Variants in SNX4 observed in about 807,000 individuals in gnomAD.
The protein encoded by SNX4 is sorting nexin-4.
A neutral mutation model predicts 70.8 loss-of-function variants in SNX4; 49 were observed. That is an observed-to-expected ratio of 0.69 (90% CI 0.55 to 0.88). SNX4 has a LOEUF of 0.88. Ranked by LOEUF, SNX4 falls within the 40% of genes least tolerant of loss-of-function variation. The probability of loss-of-function intolerance (pLI) is 0.00; values close to 1 mark genes in which losing one functional copy is unlikely to be tolerated. For missense variants in SNX4, 528 were observed against 544.8 expected (o/e 0.97, Z 0.31); for synonymous variants, 206 against 183.8 (o/e 1.12, Z -0.98).
intron 5 of SNX4, among the ~76,000 whole-genome samples, chr3:125,492,535 T>C (rs973054183): frequency 6.6e-6 from 1 of 152,134 alleles, no homozygotes; most frequent in African/African-American, 2.4e-5. Context: ...ATTTGGATAA[T>C]AAACTTTATG....
At chr3:125,460,535 G>A (rs750303456) in intron 10 of SNX4, among the ~76,000 whole-genome samples, 1 of 152,188 alleles carries the variant, frequency 6.6e-6, no homozygotes, top group Non-Finnish European at 1.5e-5. Flanking sequence ...CAACATACAG[G>A]CACACTTGAT....
chr3:125,484,974 A>G (rs1446692748), intron 6 of SNX4, among the ~76,000 whole-genome samples: 5 of 151,868 alleles, frequency 3.3e-5, no homozygotes, highest in Non-Finnish European at 7.4e-5. Flanking sequence ...GCTGAGGCAG[A>G]GAGAATTGCT....
At chr3:125,487,444 A>G (rs1334739890) in intron 6 of SNX4, among the ~76,000 whole-genome samples, 1 of 152,140 alleles carries the variant, frequency 6.6e-6, no homozygotes, top group Non-Finnish European at 1.5e-5. Context: ...CATTCAATTG[A>G]CAAAATATTT....
intron 6 of SNX4, among the ~76,000 whole-genome samples, chr3:125,485,416 GC>G (rs967942622): frequency 3.9e-5 from 6 of 151,972 alleles, no homozygotes; most frequent in Admixed American, 3.9e-4. Flanking sequence ...TCGTGCCTCA[GC>G]CCCCCAAGTA....
At chr3:125,469,702 G>T (rs1056055260) in intron 8 of SNX4, among the ~76,000 whole-genome samples, 183 bp from the exon 9 acceptor site, 2 of 152,218 alleles carry the variant, frequency 1.3e-5, no homozygotes, top group Admixed American at 6.5e-5. Context: ...TAAATGTGAA[G>T]TGAAGGCTTC....
At chr3:125,500,260 T>A (rs926661049) in intron 2 of SNX4, among the ~76,000 whole-genome samples, 1 of 152,172 alleles carries the variant, frequency 6.6e-6, no homozygotes, top group Non-Finnish European at 1.5e-5. Context: ...AATATGATCA[T>A]TAACCATGTT....
rs759787193 is a variant in SNX4, at chr3:125,495,250, TTATATATATATATATA to T, written c.597+2075_597+2090del. Among the ~76,000 whole-genome samples, 196 of 38,158 alleles carry T rather than the reference TTATATATATATATATA, an allele frequency of 5.1e-3. 35 individuals carry two copies. Among genetic ancestry groups the T allele is most frequent in the Middle Eastern group, 0.016 (1 of 62 alleles). The allele number at this position is 38,158 out of a possible 152,430, so 25.0% of individuals were successfully genotyped here. A position where few individuals can be genotyped will look rare whatever the true frequency, so the allele number is the denominator to read the frequency against. On this transcript the variant is annotated intron_variant, in intron 5 of 13. Coordinates refer to ENST00000251775, the MANE Select transcript of SNX4 (RefSeq NM_003794.4). ...GAAATGTGATACACTCATTCTCTCT[TTATATATATATATATA>T]TATATATATATACACATACACACAC...
intron 1 of SNX4, among the ~76,000 whole-genome samples, chr3:125,517,598 T>C (rs147537096): frequency 6.6e-6 from 1 of 152,318 alleles, no homozygotes; most frequent in East Asian, 1.9e-4. Context: ...GAATGTATGT[T>C]TGTTTAAACA....
chr3:125,509,246 C>T (rs1935113436), intron 1 of SNX4, among the ~76,000 whole-genome samples: 2 of 150,492 alleles, frequency 1.3e-5, no homozygotes, highest in South Asian at 2.1e-4. Context: ...AGGACAATCG[C>T]TTGAACCTGG....
At chr3:125,478,940 C>T (rs1257934896) in intron 7 of SNX4, among the ~76,000 whole-genome samples, 1 of 152,182 alleles carries the variant, frequency 6.6e-6, no homozygotes, top group Non-Finnish European at 1.5e-5. Context: ...CCTAATAATT[C>T]TCGCAGGTAA....
At chr3:125,455,226 T>C (rs548362258) in intron 11 of SNX4, among the ~76,000 whole-genome samples, 54 of 152,324 alleles carry the variant, frequency 3.5e-4, no homozygotes, top group African/African-American at 1.3e-3. Context: ...TAAGCTACCA[T>C]ACCCGGCTTG....
At chr3:125,461,739 G>T (rs569353299) in intron 9 of SNX4, among the ~76,000 whole-genome samples, 1 of 151,146 alleles carries the variant, frequency 6.6e-6, no homozygotes, top group Admixed American at 6.6e-5. Context: ...TTGGCTCACT[G>T]CAAGCTCTGC....
At chr3:125,492,593 T>C (rs912123071) in intron 5 of SNX4, among the ~76,000 whole-genome samples, 4 of 152,178 alleles carry the variant, frequency 2.6e-5, no homozygotes, top group Non-Finnish European at 4.4e-5. Context: ...TGCTGTCATA[T>C]TCCCCAACAA....
At chr3:125,479,463 G>A (rs963104028) in intron 7 of SNX4, among the ~76,000 whole-genome samples, 3 of 152,122 alleles carry the variant, frequency 2.0e-5, no homozygotes, top group African/African-American at 7.2e-5. Context: ...GCTGAGGCAG[G>A]AGAACTGCTT....
At chr3:125,508,349 C>T (rs528032143) in intron 1 of SNX4, among the ~76,000 whole-genome samples, 1 of 152,204 alleles carries the variant, frequency 6.6e-6, no homozygotes, top group East Asian at 1.9e-4. Context: ...GGGCGGATCA[C>T]GAGGTCAGGA....
chr3:125,504,514 G>GAA (rs574001219), intron 2 of SNX4, 109 bp downstream of exon 2: 27 of 1,000,280 alleles, frequency 2.7e-5, no homozygotes, highest in African/African-American at 3.4e-5. Context: ...AGTCAATCCC[G>GAA]AAAAAAAAAA....
At chr3:125,516,438 T>C (rs928220606) in intron 1 of SNX4, among the ~76,000 whole-genome samples, 5 of 152,156 alleles carry the variant, frequency 3.3e-5, no homozygotes, top group African/African-American at 1.2e-4. Flanking sequence ...TCCTGATCAG[T>C]GGTGTTAAAA....
At chr3:125,454,213 C>T (rs1168441073) in intron 11 of SNX4, among the ~76,000 whole-genome samples, 1 of 152,066 alleles carries the variant, frequency 6.6e-6, no homozygotes, top group Admixed American at 6.6e-5. Flanking sequence ...GCAGGGGGTC[C>T]CCAACCCCAG....
chr3:125,453,028 CACTG>C lies in SNX4; in HGVS notation c.1190+778_1190+781del, dbSNP rs1325151416. On this transcript the variant is annotated intron_variant, in intron 12 of 13. Transcript: ENST00000251775. ...CACTCTTGGTCTGCCTTGGTCTATT[CACTG>C]ACTGTCAGATGAAAACAAAAATAAG... is the stretch of plus-strand genomic sequence containing the variant. 3.3e-5 allele frequency among the ~76,000 whole-genome samples: 5 copies of C among 152,312 alleles called. No homozygotes were observed. The East Asian group carries it at 9.6e-4, about 29-fold the overall frequency.
Sources: allele counts gnomAD v4.1 joint callset (sites outside exome capture counted in the v4.1 genomes callset), GRCh38; gene constraint gnomAD v4.1.1; transcripts MANE v1.5; gene names NCBI Gene and HGNC (gene_info 2026-07-23, HGNC 2026-07-21).